AJAP1: variants seen among roughly 807,000 people sequenced by gnomAD.
AJAP1 encodes the protein adherens junction-associated protein 1.
In AJAP1, 5 loss-of-function variants were observed where a neutral mutation model predicts 35.0. The observed-to-expected ratio is 0.14, with a 90% CI of 0.07 to 0.30. The LOEUF (loss-of-function observed/expected upper bound fraction) is 0.30, where lower values mean the gene tolerates loss of function less well. AJAP1 is among the 10% of genes least tolerant of loss of function. AJAP1 has a pLI of 1.00. For missense variants in AJAP1, 586 were observed against 571.0 expected, an observed-to-expected ratio of 1.03 and a Z score of -0.27; for synonymous variants, 284 against 249.3, an observed-to-expected ratio of 1.14 and a Z score of -1.31.
At chr1:4,757,034 C>T (rs1641447661) in intron 2 of AJAP1, among the ~76,000 whole-genome samples, 1 of 152,154 alleles carries the variant, frequency 6.6e-6, no homozygotes, top group Non-Finnish European at 1.5e-5. Flanking sequence ...AGATGAGAGC[C>T]TGACACAGAG....
rs1640260073 is a variant in AJAP1 at position 4,712,084 on chromosome 1, G to C, written c.214G>C (p.Ala72Pro). The C allele has an allele frequency of 1.9e-6, 3 of 1,567,136 alleles. No individual in the cohort carries two copies. The highest frequency in any genetic ancestry group is 2.4e-5 in the South Asian group (2 of 84,728). Residue 72 changes from alanine to proline, a missense_variant, in exon 2 of 6, where the codon GCG becomes CCG. Ala to Pro is a conservative substitution (Grantham distance 27, BLOSUM62 -1). Coordinates refer to ENST00000378191, the MANE Select transcript of AJAP1 (RefSeq NM_018836.4). ...RLWSFRSGQP[A>P]RVPAPVWSPR... Reference sequence around the variant, plus strand: ...GTGGAGTTTTAGGAGTGGACAGCCAGCGCGGGTCCCGGCCCCGGTGTGGAG... The same window carrying C: ...GTGGAGTTTTAGGAGTGGACAGCCACCGCGGGTCCCGGCCCCGGTGTGGAG...
intron 4 of AJAP1, 67 bp from the exon 5 acceptor site, chr1:4,774,360 C>A (rs12747519): frequency 6.8e-7 from 1 of 1,466,782 alleles, no homozygotes; most frequent in Non-Finnish European, 9.6e-7. Flanking sequence ...AGGCCTGCCC[C>A]GGCTTGCCTA....
intron 2 of AJAP1, among the ~76,000 whole-genome samples, chr1:4,760,694 A>G (rs946699647): frequency 6.6e-6 from 1 of 152,210 alleles, no homozygotes; most frequent in Admixed American, 6.5e-5. Context: ...TTCCGCCTGT[A>G]ACCCATTTCA....
At chr1:4,696,555 C>T (rs1465595038) in intron 1 of AJAP1, among the ~76,000 whole-genome samples, 2 of 152,354 alleles carry the variant, frequency 1.3e-5, no homozygotes, top group South Asian at 4.1e-4. Context: ...GCTCTAGACA[C>T]TCCACTTGGG....
At chr1:4,777,939 C>CT (rs538638466) in intron 5 of AJAP1, 101 of 152,320 alleles carry the variant, frequency 6.6e-4, no homozygotes, top group African/African-American at 2.3e-3. Flanking sequence ...ACCACGAAAA[C>CT]TTTGAGAGAA....
chr1:4,676,811 T>A (rs146300702), intron 1 of AJAP1, among the ~76,000 whole-genome samples: 1 of 152,330 alleles, frequency 6.6e-6, no homozygotes, highest in East Asian at 1.9e-4. Context: ...TTCTCGAATT[T>A]GCCAAGAGTG....
chr1:4,750,032 T>TTGTGTG (rs55677440), intron 2 of AJAP1, among the ~76,000 whole-genome samples: 1 of 150,340 alleles, frequency 6.7e-6, no homozygotes, highest in Admixed American at 6.6e-5. Flanking sequence ...GTGCATGTGT[T>TTGTGTG]TGTGTGTGTG....
chr1:4,668,997 A>C (rs773531433), intron 1 of AJAP1, among the ~76,000 whole-genome samples: 1 of 152,232 alleles, frequency 6.6e-6, no homozygotes, highest in African/African-American at 2.4e-5. Context: ...AGAGGGACCT[A>C]GATTCAGACA....
chr1:4,699,624 A>T (rs942315218), intron 1 of AJAP1, among the ~76,000 whole-genome samples: 1 of 152,118 alleles, frequency 6.6e-6, no homozygotes, highest in African/African-American at 2.4e-5. Context: ...CATTTTCCCA[A>T]TGTAGGAGAG....
chr1:4,751,626 G>A (rs1289880474), intron 2 of AJAP1, among the ~76,000 whole-genome samples: 2 of 152,210 alleles, frequency 1.3e-5, no homozygotes, highest in African/African-American at 2.4e-5. Context: ...TCCTGGCTGC[G>A]CACATTCTGT....
intron 1 of AJAP1, among the ~76,000 whole-genome samples, chr1:4,704,802 A>C (rs1640064826): frequency 6.6e-6 from 1 of 152,152 alleles, no homozygotes; most frequent in Non-Finnish European, 1.5e-5. Context: ...ATTTCTCCAC[A>C]TCCTCTCCAG....
intron 2 of AJAP1, among the ~76,000 whole-genome samples, chr1:4,736,353 G>A (rs185671417): frequency 6.6e-6 from 1 of 152,114 alleles, no homozygotes; most frequent in Non-Finnish European, 1.5e-5. Flanking sequence ...CCTGTTGCCC[G>A]CTGCGCTGTG....
intron 1 of AJAP1, among the ~76,000 whole-genome samples, chr1:4,709,601 C>T (rs377681949): frequency 3.9e-5 from 6 of 152,214 alleles, no homozygotes; most frequent in African/African-American, 1.4e-4. Context: ...TCTAAACCAG[C>T]TCCCATCCTC....
At chr1:4,764,524 T>C (rs768768778) in intron 2 of AJAP1, among the ~76,000 whole-genome samples, 1 of 152,140 alleles carries the variant, frequency 6.6e-6, no homozygotes, top group African/African-American at 2.4e-5. Flanking sequence ...GCTGTGAAAT[T>C]TACATTTTGC....
Position 4,656,889 on chromosome 1 carries a change from G to A in AJAP1, c.29+1435G>A, listed in dbSNP as rs796243602. On this transcript the variant is annotated intron_variant, in intron 1 of 5. Transcript: ENST00000378191. The surrounding 1 kb of genome is among the most constrained non-coding windows in gnomAD (Gnocchi z 5.7). ...CGTTGTGGGATGTTGGCAAAATGGA[G>A]CGAGGACAGCTTTGCAGGAATGACC... Among the ~76,000 whole-genome samples, 1 of 152,236 alleles carries A rather than the reference G, an allele frequency of 6.6e-6. No homozygotes were observed. The highest frequency in any genetic ancestry group is 2.4e-5 in the African/African-American group (1 of 41,536).
chr1:4,783,865 T>C lies in AJAP1; in HGVS notation c.*1380T>C, dbSNP rs1355376625. On this transcript the variant is annotated 3_prime_UTR_variant, in exon 6 of 6. Transcript: ENST00000378191. ...CCCCGGTTGGTTTGAAAACGAAAAATAGTCATTCTGTGTGCAAACCACAAG... is the reference window on the plus strand; with the variant it reads ...CCCCGGTTGGTTTGAAAACGAAAAACAGTCATTCTGTGTGCAAACCACAAG... 2 of 151,978 alleles carry C rather than the reference T, an allele frequency of 1.3e-5. No homozygotes were observed. Among genetic ancestry groups the C allele is most frequent in the Admixed American group, 1.3e-4 (2 of 15,266 alleles). 9.4% of individuals were successfully genotyped at this position (151,978 alleles called of 1,614,324 possible).
At chr1:4,665,743 C>T (rs1031483753) in intron 1 of AJAP1, among the ~76,000 whole-genome samples, 2 of 152,184 alleles carry the variant, frequency 1.3e-5, no homozygotes, top group Non-Finnish European at 2.9e-5. Context: ...TTTCATGCAG[C>T]AGACACGGAT....
intron 1 of AJAP1, among the ~76,000 whole-genome samples, chr1:4,661,339 C>T (rs180925702): frequency 1.8e-4 from 28 of 152,344 alleles, no homozygotes; most frequent in African/African-American, 5.3e-4. Flanking sequence ...TCTGATCCAA[C>T]GGTGCTAAAC....
In AJAP1 at chr1:4,791,734, A is replaced by G. The variant is rs902639889; in HGVS notation, c.*9249A>G. 1 of 152,234 alleles carries G rather than the reference A, an allele frequency of 6.6e-6. No homozygotes were observed. Among genetic ancestry groups the G allele is most frequent in the Non-Finnish European group, 1.5e-5 (1 of 68,048 alleles). The allele number at this position is 152,234 out of a possible 1,614,324, so 9.4% of individuals were successfully genotyped here. On this transcript the variant is annotated 3_prime_UTR_variant, in exon 6 of 6. Transcript: ENST00000378191. ...GGATACTCAGTGAAACATCCAAACT[A>G]TTGACTGGATTTTTCCCATGGGGCA...
Sources: gnomAD v4.1 joint callset for allele counts (sites outside exome capture counted in the v4.1 genomes callset) on GRCh38, gnomAD v4.1.1 for gene constraint, Gnocchi (gnomAD v3.1) non-coding constraint, MANE v1.5 for transcripts, NCBI Gene and HGNC (gene_info 2026-07-23, HGNC 2026-07-21) for gene names.